C12orf76: variants seen among roughly 807,000 people sequenced by gnomAD.
C12orf76 encodes the protein uncharacterized protein C12orf76.
In C12orf76, 6 loss-of-function variants were observed where a neutral mutation model predicts 6.8. That is an observed-to-expected ratio of 0.88 (90% CI 0.48 to 1.73). The LOEUF is 1.73. Ranked by LOEUF, C12orf76 falls within the 40% of genes most tolerant of loss-of-function variation. The pLI is 0.01. For synonymous variants in C12orf76, 56 were observed against 43.7 expected (o/e 1.28, Z -1.11); for missense variants, 99 against 98.2 (o/e 1.01, Z -0.03).
chr12:110,045,265 T>C (rs991737086), intron 1 of C12orf76, among the ~76,000 whole-genome samples: 10 of 152,204 alleles, frequency 6.6e-5, no homozygotes, highest in African/African-American at 2.4e-4. Flanking sequence ...AACATTTTCT[T>C]GCATCTCGCA....
intron 2 of C12orf76, among the ~76,000 whole-genome samples, chr12:110,064,817 G>A (rs1327881742): frequency 6.6e-6 from 1 of 152,128 alleles, no homozygotes; most frequent in Non-Finnish European, 1.5e-5. Context: ...ACCCAAGCAG[G>A]AGGGCTGAGA....
upstream of C12orf76, chr12:110,048,654 T>G: frequency 7.8e-7 from 1 of 1,281,346 alleles, no homozygotes; most frequent in Non-Finnish European, 9.8e-7. Flanking sequence ...GCCTAAGATT[T>G]GTTCCGGATT....
intron 1 of C12orf76, among the ~76,000 whole-genome samples, chr12:110,042,930 C>T (rs922587055): frequency 2.6e-5 from 4 of 151,996 alleles, no homozygotes; most frequent in African/African-American, 4.8e-5. Context: ...TGGTGGCATC[C>T]GCCAGCTACT....
chr12:110,047,005 A>C (rs896192560), intron 1 of C12orf76, among the ~76,000 whole-genome samples: 4 of 152,192 alleles, frequency 2.6e-5, no homozygotes, highest in African/African-American at 9.7e-5. Context: ...TAATGTGTGG[A>C]AACTATTTAG....
At position 110,072,822 on chromosome 12, in the gene C12orf76, C is replaced by T. The variant is rs571124934; in HGVS notation, n.213+600G>A. On this transcript the variant is annotated intron_variant and non_coding_transcript_variant, in intron 1 of 1. Transcript: ENST00000548936. ...CCTGTAATCCCAGCTTACTTGGTGG[C>T]GGGGGAGGATAGCGTGTGGGCAGGT... Among the ~76,000 whole-genome samples, 6 of 151,432 alleles carry T rather than the reference C, an allele frequency of 4.0e-5. No individual in the cohort carries two copies. The East Asian group carries it at 9.7e-4, about 25-fold the overall frequency.
At chr12:110,058,949 A>G (rs1892722414) in intron 3 of C12orf76, 1 of 1,480,048 alleles carries the variant, frequency 6.8e-7, no homozygotes, top group African/African-American at 1.4e-5. Flanking sequence ...AAAAAAATGA[A>G]AACAAAAACC....
At chr12:110,068,160 C>T (rs901224844), upstream of C12orf76, among the ~76,000 whole-genome samples, 2 of 151,088 alleles carry the variant, frequency 1.3e-5, no homozygotes, top group South Asian at 2.1e-4. Context: ...GCCAAGATCG[C>T]GCCATTGCAC....
upstream of C12orf76, chr12:110,051,250 A>G: frequency 4.0e-6 from 3 of 750,636 alleles, no homozygotes; most frequent in Non-Finnish European, 7.3e-6. Context: ...TTCCGTTCCA[A>G]TCCTAGCTCG....
intron 1 of C12orf76, among the ~76,000 whole-genome samples, chr12:110,043,854 CA>C (rs1192423378): frequency 2.7e-5 from 1 of 36,940 alleles, no homozygotes; most frequent in African/African-American, 1.4e-4. Flanking sequence ...GACTCTGTCT[CA>C]AAAAAAAACA....
exon 3 of C12orf76, chr12:110,059,155 T>C: frequency 1.3e-6 from 2 of 1,545,502 alleles, no homozygotes; most frequent in Non-Finnish European, 1.7e-6. Flanking sequence ...CCTTTTCAAA[T>C]GTTCCTTGCT....
At chr12:110,043,870 C>CG (rs1555251405) in intron 1 of C12orf76, among the ~76,000 whole-genome samples, 71 of 132,468 alleles carry the variant, frequency 5.4e-4, no homozygotes, top group African/African-American at 2.1e-3. Context: ...AAAACAAAAA[C>CG]AAAAAAAAAA....
chr12:110,064,846 G>A (rs761264414), intron 2 of C12orf76, among the ~76,000 whole-genome samples: 10 of 152,198 alleles, frequency 6.6e-5, no homozygotes, highest in Non-Finnish European at 1.2e-4. Flanking sequence ...TGCAGGGTGG[G>A]AGGCTGGGCT....
At chr12:110,065,722 G>A (rs888665314) in intron 2 of C12orf76, 2 of 1,463,040 alleles carry the variant, frequency 1.4e-6, no homozygotes, top group East Asian at 4.6e-5. Context: ...AGTGGCCCAT[G>A]AGAGCTTCTA....
At chr12:110,066,643 G>A (rs1421996015) in intron 1 of C12orf76, among the ~76,000 whole-genome samples, 26 of 151,874 alleles carry the variant, frequency 1.7e-4, no homozygotes, top group Admixed American at 1.6e-3. Context: ...AGCCAAGATC[G>A]CGCCATTTCA....
upstream of C12orf76, among the ~76,000 whole-genome samples, chr12:110,068,259 GAAGAAGAAGAAGAAGAAGAA>G (rs1892906030): frequency 1.4e-4 from 12 of 86,284 alleles, no homozygotes; most frequent in Non-Finnish European, 3.0e-4. Context: ...AGAAGAAGAA[GAAGAAGAAGAAGAAGAAGAA>G]GAAGAAGAAG....
At chr12:110,052,817 C>T (rs1892603331), upstream of C12orf76, among the ~76,000 whole-genome samples, 1 of 152,204 alleles carries the variant, frequency 6.6e-6, no homozygotes, top group African/African-American at 2.4e-5. Context: ...TGTAACCACC[C>T]AGGGAGCTTT....
upstream of C12orf76, chr12:110,049,115 G>A (rs10849677): frequency 0.19 from 28,629 of 152,232 alleles, 4,954 homozygotes; most frequent in African/African-American, 0.47. Context: ...CGAGCACAGC[G>A]ATTTTGTTCT....
In C12orf76 at chr12:110,058,977, G is replaced by A. The variant is rs552262990; in HGVS notation, n.556+11C>T. 49 of 1,534,062 alleles carry A rather than the reference G, an allele frequency of 3.2e-5. No homozygotes were observed. The South Asian group carries it at 5.3e-4, about 17-fold the overall frequency. ...CAAAAACCAACTCTATAAGGAAGGT[G>A]CTAGTATTACCTCCACCTAATAGCC... On this transcript the variant is annotated intron_variant and non_coding_transcript_variant, in intron 3 of 4. Coordinates refer to the C12orf76 transcript ENST00000309050.
intron 1 of C12orf76, among the ~76,000 whole-genome samples, chr12:110,047,461 G>GGA (rs1892478932): frequency 1.3e-5 from 2 of 152,180 alleles, no homozygotes; most frequent in African/African-American, 4.8e-5. Flanking sequence ...GGCCGAGGCA[G>GGA]GAGGATTGCT....
Sources: gnomAD v4.1 joint callset for allele counts (sites outside exome capture counted in the v4.1 genomes callset) on GRCh38, gnomAD v4.1.1 for gene constraint, MANE v1.5 for transcripts, NCBI Gene and HGNC (gene_info 2026-07-23, HGNC 2026-07-21) for gene names.